TNRC18: variants seen among roughly 807,000 people sequenced by gnomAD.
The protein encoded by TNRC18 is trinucleotide repeat-containing gene 18 protein.
TNRC18 carries 69 observed loss-of-function variants against 226.7 expected under a neutral mutation model. The ratio of observed to expected loss-of-function variants is 0.30; its 90% CI spans 0.25 to 0.37. The LOEUF is 0.37. Ranked by LOEUF, TNRC18 falls within the 10% of genes least tolerant of loss-of-function variation. The pLI, the probability that TNRC18 is intolerant of heterozygous loss-of-function variation, is 1.00. For synonymous variants in TNRC18, 2,449 were observed against 1,927.6 expected, an observed-to-expected ratio of 1.27 and a Z score of -7.09; for missense variants, 4,754 against 4,256.6, an observed-to-expected ratio of 1.12 and a Z score of -3.25.
chr7:5,346,298 C>G (rs1240240529), intron 17 of TNRC18, among the ~76,000 whole-genome samples: 4 of 152,138 alleles, frequency 2.6e-5, no homozygotes, highest in African/African-American at 9.7e-5. Flanking sequence ...CAGCTGAGTC[C>G]TGAGGGCTGG....
chr7:5,386,159 G>A (rs1295383120), intron 5 of TNRC18, among the ~76,000 whole-genome samples: 3 of 150,682 alleles, frequency 2.0e-5, no homozygotes, highest in African/African-American at 7.3e-5. Context: ...GTGATGGCAC[G>A]CACCTGTAGT....
At position 5,345,728 on chromosome 7, in the gene TNRC18, G is replaced by A; in HGVS notation, c.5553C>T (p.Ala1851=). The stretch of plus-strand genomic sequence containing the variant: ...GGCCCGGTGACAGGGCCCGCTCCCG[G>A]GCACCCAGCCTGTAGCCACCACCGC... The part of the protein sequence containing the change: ...EASGGGYRLG[A]RERALSPGLE... Residue 1851 remains alanine, a synonymous_variant, in exon 18 of 30, where the codon GCC becomes GCT. Transcript: ENST00000430969. 1 of 1,548,414 alleles carries A rather than the reference G, an allele frequency of 6.5e-7. No individual in the cohort carries two copies. Among genetic ancestry groups the A allele is most frequent in the Non-Finnish European group, 8.7e-7 (1 of 1,146,800 alleles).
chr7:5,331,399 T>G (rs926257361), intron 19 of TNRC18, among the ~76,000 whole-genome samples: 7 of 152,106 alleles, frequency 4.6e-5, no homozygotes, highest in African/African-American at 1.7e-4. Flanking sequence ...ATAGAGAGAA[T>G]TTAGGAAATC....
chr7:5,332,814 C>G lies in TNRC18; in HGVS notation c.5955G>C (p.Gly1985=), dbSNP rs1444218526. ...ACAGGTCGTCGTCGCTGGCCTCGGG[C>G]CCCGCCTCGAAGCCAGGCTCCTTGG... ...RGPKEPGFEA[G]PEASDDDLWT... is the part of the protein sequence containing the mutation. The change falls in exon 19 of 30, where the codon GGG becomes GGC. Residue 1985 remains glycine (G), a synonymous_variant. Coordinates refer to ENST00000430969, the MANE Select transcript of TNRC18 (RefSeq NM_001080495.3). The G allele has an allele frequency of 4.4e-5, 66 of 1,509,074 alleles. No homozygotes were observed. The highest frequency in any genetic ancestry group is 5.1e-5 in the Non-Finnish European group (58 of 1,137,394). 93.5% of individuals were successfully genotyped at this position (1,509,074 alleles called of 1,614,324 possible). A position where few individuals can be genotyped will look rare whatever the true frequency, so the allele number is the denominator to read the frequency against.
Position 5,389,151 on chromosome 7 carries a change from G to T in TNRC18, c.673C>A (p.Pro225Thr), listed in dbSNP as rs1333767576. 7 of 1,326,232 alleles carry T rather than the reference G, an allele frequency of 5.3e-6. No homozygotes were observed. The African/African-American group carries it at 1.1e-4, about 21-fold the overall frequency. The allele number at this position is 1,326,232 out of a possible 1,614,324, so 82.2% of individuals were successfully genotyped here. ...GAGGCCTCCTCGCCCCGGGCGCGCG[G>T]GTCCTTCTTGCCGAAAAGCGGAGGC... Reference protein sequence around the residue: ...EPPPLFGKKDPRARGEEASGP... With the variant: ...EPPPLFGKKDTRARGEEASGP... The change falls in exon 5 of 30, where the codon CCG becomes ACG. Residue 225 changes from proline (P) to threonine (T), a missense_variant. Pro to Thr is a conservative substitution (Grantham distance 38). Coordinates refer to ENST00000430969, the MANE Select transcript of TNRC18 (RefSeq NM_001080495.3).
rs1169350803 is a variant in TNRC18, at chr7:5,313,587, G to A, written c.7304C>T (p.Pro2435Leu). Residue 2435 changes from proline to leucine, a missense_variant, in exon 27 of 30, where the codon CCC becomes CTC. Pro to Leu is a moderately conservative substitution (Grantham distance 98). Coordinates refer to ENST00000430969, the MANE Select transcript of TNRC18 (RefSeq NM_001080495.3). ...APLITMPATR[P>L]KPKKARAAEE... Reference sequence around the variant, plus strand: ...GGCTGCCCGCGCCTTCTTGGGCTTGGGGCGTGTGGCAGGCATGGTGATGAG... The same window carrying A: ...GGCTGCCCGCGCCTTCTTGGGCTTGAGGCGTGTGGCAGGCATGGTGATGAG... 1 of 1,604,286 alleles carries A rather than the reference G, an allele frequency of 6.2e-7. No individual in the cohort carries two copies. The highest frequency in any genetic ancestry group is 8.5e-7 in the Non-Finnish European group (1 of 1,176,268).
intron 18 of TNRC18, among the ~76,000 whole-genome samples, chr7:5,340,437 G>A (rs78364266): frequency 6.6e-6 from 1 of 152,248 alleles, no homozygotes; most frequent in Non-Finnish European, 1.5e-5. Flanking sequence ...CTCATGAGGT[G>A]TAAGGAAAGA....
chr7:5,314,223 G>A (rs138818414), intron 26 of TNRC18, among the ~76,000 whole-genome samples: 27 of 151,946 alleles, frequency 1.8e-4, no homozygotes, highest in African/African-American at 6.0e-4. Context: ...CCCTGTGCCT[G>A]GGCCTCCTAG....
At position 5,324,501 on chromosome 7, in the gene TNRC18, C is replaced by T. The variant is rs527581241; in HGVS notation, c.6301-146G>A. On this transcript the variant is annotated intron_variant, in intron 20 of 29. Transcript: ENST00000430969. The surrounding 1 kb of genome is among the most constrained non-coding windows in gnomAD (Gnocchi z 4.8). ...TGGCAGGGATCCCAGTTAGGGGCAC[C>T]CCAGAGGCCAGGGGGAAGGTGAAAT... 4 of 1,170,220 alleles carry T rather than the reference C, an allele frequency of 3.4e-6. No homozygotes were observed. The South Asian group carries it at 5.9e-5, about 17-fold the overall frequency. 72.5% of individuals were successfully genotyped at this position (1,170,220 alleles called of 1,614,324 possible). A position where few individuals can be genotyped will look rare whatever the true frequency, so the allele number is the denominator to read the frequency against.
At chr7:5,391,281 A>G (rs927659755) in intron 3 of TNRC18, among the ~76,000 whole-genome samples, 1 of 150,674 alleles carries the variant, frequency 6.6e-6, no homozygotes, top group Non-Finnish European at 1.5e-5. Flanking sequence ...AATGCCCAGC[A>G]CCAGCATCAG....
intron 15 of TNRC18, among the ~76,000 whole-genome samples, chr7:5,358,985 G>C (rs1583902743): frequency 1.3e-5 from 2 of 152,358 alleles, no homozygotes; most frequent in East Asian, 3.9e-4. Flanking sequence ...GGAGAGTTCA[G>C]AGAGGAAATT....
At chr7:5,413,594 A>C (rs2128220390) in intron 2 of TNRC18, among the ~76,000 whole-genome samples, 1 of 152,286 alleles carries the variant, frequency 6.6e-6, no homozygotes, top group South Asian at 2.1e-4. Context: ...CAGTGGTGCG[A>C]CCACAACTCA....
chr7:5,390,109 A>G, intron 4 of TNRC18: 1 of 393,826 alleles, frequency 2.5e-6, no homozygotes, highest in Non-Finnish European at 4.4e-6. Flanking sequence ...CACATCTGTA[A>G]TCCCAGCACT....
chr7:5,312,581 C>T lies in TNRC18; in HGVS notation c.8310G>A (p.Pro2770=), dbSNP rs371939156. 1.2e-4 allele frequency: 192 copies of T among 1,611,070 alleles called. 1 individual carries two copies. The highest frequency in any genetic ancestry group is 1.1e-3 in the Middle Eastern group (5 of 4,662). ...TKELAKRQRL[P]SVENRPKIAA... is the part of the protein sequence containing the mutation. ...CGATCTTGGGCCGGTTCTCCACGGA[C>T]GGCAGGCGCTGCCGCTTGGCCAGCT... is the stretch of plus-strand genomic sequence containing the variant. The change falls in exon 27 of 30, where the codon CCG becomes CCA. Residue 2770 remains proline, a synonymous_variant. Transcript: ENST00000430969. This position sits in a 1 kb window ranked among gnomAD's most constrained non-coding sequence, Gnocchi z 6.3.
intron 18 of TNRC18, among the ~76,000 whole-genome samples, chr7:5,334,320 G>A (rs550094703): frequency 4.0e-4 from 61 of 151,842 alleles, no homozygotes; most frequent in African/African-American, 1.3e-3. Context: ...TTCTTGAGAC[G>A]GAGTCTCGCT....
chr7:5,356,119 G>A (rs1420133258), intron 16 of TNRC18, among the ~76,000 whole-genome samples: 1 of 149,544 alleles, frequency 6.7e-6, no homozygotes, highest in East Asian at 2.0e-4. Flanking sequence ...AGCCAAGATC[G>A]CACCACTGCA....
In TNRC18 at chr7:5,308,080, C is replaced by T. The variant is rs1456331973; in HGVS notation, c.*26G>A. On this transcript the variant is annotated 3_prime_UTR_variant, in exon 30 of 30. Coordinates refer to ENST00000430969, the MANE Select transcript of TNRC18 (RefSeq NM_001080495.3). ...TGGGTCCCTGGCCGCCCTCGGGGCACAGGTGGCCCGCAGGGCCCGGCGGGC... is the reference window on the plus strand; with the variant it reads ...TGGGTCCCTGGCCGCCCTCGGGGCATAGGTGGCCCGCAGGGCCCGGCGGGC... The T allele has an allele frequency of 1.9e-6, 3 of 1,539,888 alleles. No homozygotes were observed. The highest frequency in any genetic ancestry group is 2.7e-5 in the African/African-American group (2 of 72,760).
At chr7:5,310,916 A>G (rs1277697053) in intron 27 of TNRC18, among the ~76,000 whole-genome samples, 3 of 151,426 alleles carry the variant, frequency 2.0e-5, no homozygotes, top group Non-Finnish European at 2.9e-5. Context: ...GCACGTGTTC[A>G]TGTGTGTGCA....
intron 16 of TNRC18, among the ~76,000 whole-genome samples, chr7:5,356,534 T>A (rs1792405380): frequency 6.6e-6 from 1 of 152,194 alleles, no homozygotes; most frequent in Non-Finnish European, 1.5e-5. Flanking sequence ...GCAGTCGCGC[T>A]CCAGGCCTCT....
Sources: gnomAD v4.1 joint callset for allele counts (sites outside exome capture counted in the v4.1 genomes callset) on GRCh38, gnomAD v4.1.1 for gene constraint, Gnocchi (gnomAD v3.1) non-coding constraint, MANE v1.5 for transcripts, NCBI Gene and HGNC (gene_info 2026-07-23, HGNC 2026-07-21) for gene names.